The following KCNMA1 variants were observed in gnomAD, a reference collection of about 807,000 sequenced individuals.
The protein encoded by KCNMA1 is potassium calcium-activated channel subfamily M alpha 1.
A neutral mutation model predicts 140.0 loss-of-function variants in KCNMA1; 29 were observed. The ratio of observed to expected loss-of-function variants is 0.21; its 90% CI spans 0.15 to 0.28. KCNMA1 has a LOEUF of 0.28. KCNMA1 is among the 10% of genes least tolerant of loss of function. The pLI is 1.00. For synonymous variants in KCNMA1, 612 were observed against 611.9 expected (o/e 1.00, Z 0.00); for missense variants, 880 against 1,602.2 (o/e 0.55, Z 7.70).
At chr10:77,351,063 C>A (rs1446279292) in intron 2 of KCNMA1, among the ~76,000 whole-genome samples, 1 of 152,198 alleles carries the variant, frequency 6.6e-6, no homozygotes, top group East Asian at 1.9e-4. Context: ...AGTTTGAAAA[C>A]CACCAGGACA....
downstream of KCNMA1, chr10:76,883,898 A>G (rs1055998921): frequency 5.8e-6 from 3 of 520,666 alleles, no homozygotes; most frequent in South Asian, 8.3e-5. Flanking sequence ...AGTATAATAT[A>G]GTAATTTTGG....
chr10:77,268,483 G>A (rs2064034206), intron 2 of KCNMA1, among the ~76,000 whole-genome samples: 1 of 152,154 alleles, frequency 6.6e-6, no homozygotes. Context: ...TTAATAAATT[G>A]CTGGAGATGA....
chr10:77,370,752 G>A (rs561355546), intron 2 of KCNMA1, among the ~76,000 whole-genome samples: 18 of 152,234 alleles, frequency 1.2e-4, no homozygotes, highest in South Asian at 4.2e-4. Flanking sequence ...GTGCAGTAGC[G>A]GGGTCTACTG....
In KCNMA1 at chr10:77,362,003, C is replaced by T. The variant is rs970589429; in HGVS notation, c.540+41859G>A. On this transcript the variant is annotated intron_variant, in intron 2 of 27. Coordinates refer to ENST00000286628, the MANE Select transcript of KCNMA1 (RefSeq NM_001161352.2). ...CCCTTGGAGCTGAGCCCATTTGTAG[C>T]CATGCCAGGCCCAGGGTCTCCCTCA... Among the ~76,000 whole-genome samples, 3 of 152,172 alleles carry T rather than the reference C, an allele frequency of 2.0e-5. No individual in the cohort carries two copies. The East Asian group carries it at 5.8e-4, about 29-fold the overall frequency.
chr10:77,607,640 C>G (rs2085024693), intron 1 of KCNMA1, among the ~76,000 whole-genome samples: 2 of 152,036 alleles, frequency 1.3e-5, no homozygotes, highest in Non-Finnish European at 2.9e-5. Flanking sequence ...GGATACGGAG[C>G]AGAAAGCCAC....
intron 9 of KCNMA1, among the ~76,000 whole-genome samples, chr10:77,099,788 C>CT (rs1181198332): frequency 2.6e-5 from 4 of 152,088 alleles, no homozygotes; most frequent in African/African-American, 9.7e-5. Context: ...ACAGCAGGAC[C>CT]TTTGTGGGGT....
At chr10:77,408,449 T>C (rs1405761717) in intron 1 of KCNMA1, among the ~76,000 whole-genome samples, 1 of 151,730 alleles carries the variant, frequency 6.6e-6, no homozygotes, top group African/African-American at 2.4e-5. Context: ...AGTGTGTGCA[T>C]GTGTGTGTGC....
chr10:77,122,857 G>A lies in KCNMA1; in HGVS notation c.809-1809C>T, dbSNP rs117392584. Among the ~76,000 whole-genome samples, 382 of 152,218 alleles carry A rather than the reference G, an allele frequency of 2.5e-3. 10 individuals carry two copies. In the East Asian group the frequency reaches 0.063, roughly 25 times the overall value. On this transcript the variant is annotated intron_variant, in intron 5 of 27. Transcript: ENST00000286628. ...ACCAGTGTTGATGGGGTTATTTACC[G>A]TTAATGTAACTAAGATCATTATATT... is the stretch of plus-strand genomic sequence containing the variant.
chr10:77,193,291 G>C (rs1346849650), intron 3 of KCNMA1, among the ~76,000 whole-genome samples: 1 of 152,176 alleles, frequency 6.6e-6, no homozygotes, highest in Non-Finnish European at 1.5e-5. Context: ...GTTGTTACCA[G>C]AGTAGAATTA....
chr10:77,373,353 T>C (rs551872088), intron 2 of KCNMA1, among the ~76,000 whole-genome samples: 3 of 152,372 alleles, frequency 2.0e-5, no homozygotes, highest in African/African-American at 7.2e-5. Context: ...GGACTCAGTT[T>C]CTTCAACAGT....
In KCNMA1 at chr10:77,108,600, C is replaced by A. The variant is rs2097249850; in HGVS notation, c.1132-28G>T. Reference sequence around the variant, plus strand: ...GAGAAGATAGGAGACAGAAGAGAGACTAAAAAGACAGGCCAAAGAAAAGGG... The same window carrying A: ...GAGAAGATAGGAGACAGAAGAGAGAATAAAAAGACAGGCCAAAGAAAAGGG... On this transcript the variant is annotated intron_variant, in intron 8 of 27. Coordinates refer to ENST00000286628, the MANE Select transcript of KCNMA1 (RefSeq NM_001161352.2). This position sits in a 1 kb window ranked among gnomAD's most constrained non-coding sequence, Gnocchi z 4.6. 2 of 1,568,862 alleles carry A rather than the reference C, an allele frequency of 1.3e-6. No homozygotes were observed. The highest frequency in any genetic ancestry group is 2.7e-5 in the African/African-American group (2 of 73,744).
chr10:77,075,833 G>C (rs536996535), intron 13 of KCNMA1, among the ~76,000 whole-genome samples: 1 of 152,150 alleles, frequency 6.6e-6, no homozygotes, highest in Non-Finnish European at 1.5e-5. Flanking sequence ...TTTGTTTCTG[G>C]AAACTTCGTC....
At chr10:77,229,211 A>G (rs898085190) in intron 3 of KCNMA1, among the ~76,000 whole-genome samples, 1 of 152,122 alleles carries the variant, frequency 6.6e-6, no homozygotes, top group East Asian at 1.9e-4. Flanking sequence ...TGGTTAGCTC[A>G]GTAAATCTTC....
chr10:76,952,167 A>G lies in KCNMA1; in HGVS notation c.2484+1634T>C. On this transcript the variant is annotated intron_variant, in intron 21 of 27. Coordinates refer to ENST00000286628, the MANE Select transcript of KCNMA1 (RefSeq NM_001161352.2). Reference sequence around the variant, plus strand: ...CGGCATCCAGCCTGTGACCTGCCACAAGTGGTAACATCAGGCTAAATTTAG... The same window carrying G: ...CGGCATCCAGCCTGTGACCTGCCACGAGTGGTAACATCAGGCTAAATTTAG... The G allele has an allele frequency of 1.9e-6, 3 of 1,551,366 alleles. No homozygotes were observed. In the South Asian group the frequency reaches 3.6e-5, roughly 18 times the overall value.
At chr10:77,239,057 C>T (rs1361004501) in intron 3 of KCNMA1, among the ~76,000 whole-genome samples, 23 of 152,324 alleles carry the variant, frequency 1.5e-4, no homozygotes, top group Admixed American at 9.8e-4. Context: ...AGCCTCACCT[C>T]GTACCTGATA....
intron 1 of KCNMA1, among the ~76,000 whole-genome samples, chr10:77,485,946 C>G (rs1456806227): frequency 1.3e-5 from 2 of 152,044 alleles, no homozygotes; most frequent in East Asian, 3.9e-4. Context: ...AGCTGTGGAC[C>G]AGGTACCGGG....
At chr10:77,094,451 A>G (rs2096882162) in intron 9 of KCNMA1, among the ~76,000 whole-genome samples, 1 of 152,052 alleles carries the variant, frequency 6.6e-6, no homozygotes, top group South Asian at 2.1e-4. Flanking sequence ...GGGGTGTTGG[A>G]GGGGTCCTCC....
chr10:76,942,523 C>T (rs2062800741), intron 23 of KCNMA1, among the ~76,000 whole-genome samples: 1 of 152,094 alleles, frequency 6.6e-6, no homozygotes, highest in Admixed American at 6.5e-5. Flanking sequence ...CCTGTCAAAA[C>T]CTATTTTTCT....
At chr10:77,154,322 G>A (rs535368884) in intron 5 of KCNMA1, among the ~76,000 whole-genome samples, 2 of 152,192 alleles carry the variant, frequency 1.3e-5, no homozygotes, top group African/African-American at 4.8e-5. Context: ...AGTAGTGTAA[G>A]AATGGACTAA....
Sources: allele counts gnomAD v4.1 joint callset (sites outside exome capture counted in the v4.1 genomes callset), GRCh38; gene constraint gnomAD v4.1.1; non-coding constraint Gnocchi (gnomAD v3.1); transcripts MANE v1.5; gene names NCBI Gene and HGNC (gene_info 2026-07-23, HGNC 2026-07-21).